PGAP6: variants seen among roughly 807,000 people sequenced by gnomAD.
The protein encoded by PGAP6 is post-GPI attachment to proteins factor 6.
Under a neutral mutation model 68.4 loss-of-function variants are expected in PGAP6, and 62 were observed. The observed-to-expected ratio is 0.91, with a 90% CI of 0.74 to 1.12. PGAP6 has a LOEUF of 1.12. PGAP6 is among the 50% of genes most tolerant of loss of function. The pLI is 0.00. For synonymous variants in PGAP6, 575 were observed against 474.0 expected, an observed-to-expected ratio of 1.21 and a Z score of -2.77; for missense variants, 1,188 against 1,068.5, an observed-to-expected ratio of 1.11 and a Z score of -1.56.
Position 377,566 on chromosome 16 carries a change from G to A in PGAP6, c.319C>T (p.Pro107Ser), listed in dbSNP as rs2054397416. The change falls in exon 3 of 13, where the codon CCT becomes TCT. Residue 107 changes from proline to serine, a missense_variant. Coordinates refer to ENST00000431232, the MANE Select transcript of PGAP6 (RefSeq NM_021259.3). ...GTGCCCAGCGGGTTGATGACCGGAG[G>A]GGCGCCGGAACGGAAGTGCCTGGAG... is the stretch of plus-strand genomic sequence containing the variant. ...EITVHFRSGA[P>S]PVINPLGTSF... The A allele has an allele frequency of 2.5e-6, 4 of 1,581,224 alleles. No homozygotes were observed. Among genetic ancestry groups the A allele is most frequent in the Non-Finnish European group, 2.6e-6 (3 of 1,164,290 alleles).
At chr16:383,952 G>A (rs1284968970), upstream of PGAP6, among the ~76,000 whole-genome samples, 2 of 152,240 alleles carry the variant, frequency 1.3e-5, no homozygotes, top group Non-Finnish European at 2.9e-5. Context: ...CCCCGGCTGA[G>A]CCTTAAAGAG....
At chr16:376,842 C>A in intron 4 of PGAP6, 30 bp from the exon 5 acceptor site, 1 of 1,598,954 alleles carries the variant, frequency 6.3e-7, no homozygotes, top group Non-Finnish European at 8.5e-7. Context: ...CTGGCTCAGG[C>A]TCTGCCATTC....
upstream of PGAP6, among the ~76,000 whole-genome samples, chr16:385,798 G>A (rs996341377): frequency 2.7e-5 from 4 of 147,324 alleles, no homozygotes; most frequent in African/African-American, 5.0e-5. Context: ...CTAATTTTTT[G>A]TATTTTTAGT....
Position 381,836 on chromosome 16 carries a change from C to G in PGAP6, c.-15G>C. On this transcript the variant is annotated 5_prime_UTR_variant, in exon 1 of 13. Coordinates refer to ENST00000431232, the MANE Select transcript of PGAP6 (RefSeq NM_021259.3). ...GCCCGGCCCATGGCTCCGCGCTCGG[C>G]CCGGCGCTACCCGGCCCGCGTCCCG... 1 of 1,011,452 alleles carries G rather than the reference C, an allele frequency of 9.9e-7. No homozygotes were observed. Among genetic ancestry groups the G allele is most frequent in the Non-Finnish European group, 1.2e-6 (1 of 848,546 alleles). The allele number at this position is 1,011,452 out of a possible 1,614,324, so 62.7% of individuals were successfully genotyped here.
rs201557122 is a variant in PGAP6 at position 374,358 on chromosome 16, T to A, written c.1618A>T (p.Thr540Ser). Reference protein sequence around the residue: ...WSCTDNSTAQTVAQQRAATLL... With the variant: ...WSCTDNSTAQSVAQQRAATLL... ...GTGGCCGCCCTCTGCTGGGCCACCG[T>A]CTGGGCTGTGCTGTTGTCCGTGCAG... The change falls in exon 10 of 13, where the codon ACG (threonine) becomes TCG (serine). Residue 540 changes from threonine (T) to serine (S), a missense_variant. Physicochemically the swap from Thr to Ser is moderately conservative, Grantham distance 58. Transcript: ENST00000431232. 4.9e-5 allele frequency: 78 copies of A among 1,599,902 alleles called. No individual in the cohort carries two copies. Among genetic ancestry groups the A allele is most frequent in the Non-Finnish European group, 6.4e-5 (75 of 1,178,194 alleles).
At chr16:373,003 G>A (rs999950751) in intron 11 of PGAP6, among the ~76,000 whole-genome samples, 2 of 152,128 alleles carry the variant, frequency 1.3e-5, no homozygotes, top group African/African-American at 2.4e-5. Flanking sequence ...GCATATGGCC[G>A]CTCTGCACCC....
intron 11 of PGAP6, among the ~76,000 whole-genome samples, chr16:373,322 C>T (rs2054351007): frequency 6.6e-6 from 1 of 152,224 alleles, no homozygotes; most frequent in Non-Finnish European, 1.5e-5. Context: ...GCTCACAAGC[C>T]CAGGGCATGA....
Position 374,301 on chromosome 16 carries a change from G to A in PGAP6, c.1675C>T (p.Leu559=). 1 of 1,606,474 alleles carries A rather than the reference G, an allele frequency of 6.2e-7. No homozygotes were observed. The highest frequency in any genetic ancestry group is 1.1e-5 in the South Asian group (1 of 91,066). The change falls in exon 10 of 13, where the codon CTG becomes TTG. Residue 559 remains leucine (L), a synonymous_variant. Coordinates refer to ENST00000431232, the MANE Select transcript of PGAP6 (RefSeq NM_021259.3). ...CGCACTGAGACGGCGATGGGGGCCAGGAACATGAGGTTGCTGAGCGTGAGC... is the reference window on the plus strand; with the variant it reads ...CGCACTGAGACGGCGATGGGGGCCAAGAACATGAGGTTGCTGAGCGTGAGC... ...LLLTLSNLMF[L]APIAVSVRRF... is the part of the protein sequence containing the mutation.
In PGAP6 at chr16:381,774, C is replaced by T. The variant is rs1597167180; in HGVS notation, c.48G>A (p.Val16=). 1.0e-5 allele frequency: 12 copies of T among 1,184,094 alleles called. No homozygotes were observed. The South Asian group carries it at 3.8e-4, about 38-fold the overall frequency. 73.3% of individuals were successfully genotyped at this position (1,184,094 alleles called of 1,614,324 possible). A position where few individuals can be genotyped will look rare whatever the true frequency, so the allele number is the denominator to read the frequency against. The change falls in exon 1 of 13, where the codon GTG becomes GTA. Residue 16 remains valine (V), a synonymous_variant. Transcript: ENST00000431232. ...TGTGGEAVAA[V]VAGPLLLLLL... is the part of the protein sequence containing the mutation. ...GCAGCAGCAGCAGCGGCCCCGCCAC[C>T]ACCGCGGCCACCGCCTCGCCCCCGG... is the stretch of plus-strand genomic sequence containing the variant.
chr16:375,029 C>T, intron 8 of PGAP6, 104 bp downstream of exon 8: 1 of 1,576,434 alleles, frequency 6.3e-7, no homozygotes, highest in Non-Finnish European at 8.6e-7. Flanking sequence ...GGAAGCACCC[C>T]TCTAGCTGGG....
chr16:386,726 CAAAAAAA>C, upstream of PGAP6: 7 of 311,114 alleles, frequency 2.2e-5, no homozygotes, highest in South Asian at 1.4e-4. Flanking sequence ...AAAAAAAAAC[CAAAAAAA>C]AAAAAAAAAA....
upstream of PGAP6, chr16:382,165 G>A (rs1264999244): frequency 3.4e-5 from 13 of 387,524 alleles, no homozygotes; most frequent in African/African-American, 1.9e-4. Flanking sequence ...CTGGAGGGAG[G>A]GCGCGGGATG....
At chr16:386,922 C>T (rs761160731), upstream of PGAP6, 44 of 594,882 alleles carry the variant, frequency 7.4e-5, no homozygotes, top group Non-Finnish European at 9.4e-5. Context: ...GACACTGCGA[C>T]GCCGGAGGCG....
At position 376,714 on chromosome 16, in the gene PGAP6, G is replaced by A. The variant is rs746653570; in HGVS notation, c.734C>T (p.Pro245Leu). The A allele has an allele frequency of 1.3e-5, 21 of 1,611,566 alleles. No homozygotes were observed. Among genetic ancestry groups the A allele is most frequent in the South Asian group, 3.3e-5 (3 of 91,026 alleles). The change falls in exon 5 of 13, where the codon CCG (proline) becomes CTG (leucine). Residue 245 changes from proline to leucine, a missense_variant. Physicochemically the swap from Pro to Leu is moderately conservative, Grantham distance 98. Coordinates refer to ENST00000431232, the MANE Select transcript of PGAP6 (RefSeq NM_021259.3). ...LGCPVRLTVG[P>L]VTLPSNFQKV... is the part of the protein sequence containing the mutation. Reference sequence around the variant, plus strand: ...CTGGAAGTTGCTAGGCAGGGTGACCGGGCCCACGGTGAGACGCACGGGGCA... The same window carrying A: ...CTGGAAGTTGCTAGGCAGGGTGACCAGGCCCACGGTGAGACGCACGGGGCA...
chr16:381,623 GCGCCC>G, intron 1 of PGAP6, 73 bp downstream of exon 1: 2 of 1,094,952 alleles, frequency 1.8e-6, no homozygotes, highest in Non-Finnish European at 2.3e-6. Flanking sequence ...GCGCACAGGT[GCGCCC>G]GGGGTGTCAC....
Position 371,859 on chromosome 16 carries a change from T to G in PGAP6, c.*128A>C. On this transcript the variant is annotated 3_prime_UTR_variant, in exon 13 of 13. Coordinates refer to ENST00000431232, the MANE Select transcript of PGAP6 (RefSeq NM_021259.3). ...TGGCCCTCTCCTCAGTAGGAGGAAG[T>G]AAGAGGGTATCTAGGCCAATTTATT... 9.8e-7 allele frequency: 1 copy of G among 1,016,362 alleles called. No individual in the cohort carries two copies. The highest frequency in any genetic ancestry group is 1.4e-6 in the Non-Finnish European group (1 of 702,174). The allele number at this position is 1,016,362 out of a possible 1,614,324, so 63.0% of individuals were successfully genotyped here. A position where few individuals can be genotyped will look rare whatever the true frequency, so the allele number is the denominator to read the frequency against.
intron 6 of PGAP6, among the ~76,000 whole-genome samples, chr16:375,711 C>T (rs1045335447): frequency 2.0e-5 from 3 of 151,882 alleles, no homozygotes; most frequent in African/African-American, 7.3e-5. Flanking sequence ...TTTGTATTTT[C>T]AGTAGAGACG....
Position 381,796 on chromosome 16 carries a change from C to A in PGAP6, c.26G>T (p.Gly9Val). 1 of 1,153,558 alleles carries A rather than the reference C, an allele frequency of 8.7e-7. No individual in the cohort carries two copies. The highest frequency in any genetic ancestry group is 4.0e-5 in the South Asian group (1 of 24,718). The allele number at this position is 1,153,558 out of a possible 1,614,324, so 71.5% of individuals were successfully genotyped here. A position where few individuals can be genotyped will look rare whatever the true frequency, so the allele number is the denominator to read the frequency against. MGRAGTGT[G>V]GEAVAAVVAG... ...CACCACCGCGGCCACCGCCTCGCCC[C>A]CGGTCCCGGTGCCAGCCCGGCCCAT... is the stretch of plus-strand genomic sequence containing the variant. Residue 9 changes from glycine (G) to valine (V), a missense_variant, in exon 1 of 13, where the codon GGG (glycine) becomes GTG (valine). Coordinates refer to ENST00000431232, the MANE Select transcript of PGAP6 (RefSeq NM_021259.3).
chr16:375,128 C>T lies in PGAP6; in HGVS notation c.1439+5G>A, dbSNP rs2054370053. ...GGCCCCCGTCTCTGCCCTAGGTTTA[C>T]TTACTCAGCATTCTCAGGGCACATG... On this transcript the variant is annotated splice_donor_5th_base_variant and intron_variant, in intron 8 of 12. Transcript: ENST00000431232. 6.2e-7 allele frequency: 1 copy of T among 1,612,914 alleles called. No individual in the cohort carries two copies. The highest frequency in any genetic ancestry group is 1.3e-5 in the African/African-American group (1 of 74,928).
Sources: gnomAD v4.1 joint callset for allele counts (sites outside exome capture counted in the v4.1 genomes callset) on GRCh38, gnomAD v4.1.1 for gene constraint, MANE v1.5 for transcripts, NCBI Gene and HGNC (gene_info 2026-07-23, HGNC 2026-07-21) for gene names.